Variants in C8orf34 observed in about 807,000 individuals in gnomAD.
The protein encoded by C8orf34 is uncharacterized protein C8orf34.
A neutral mutation model predicts 68.3 loss-of-function variants in C8orf34; 65 were observed. The observed-to-expected ratio is 0.95, with a 90% CI of 0.78 to 1.17. C8orf34 has a LOEUF of 1.17. Ranked by LOEUF, C8orf34 falls within the 50% of genes most tolerant of loss-of-function variation. C8orf34 has a pLI of 0.00. For missense variants in C8orf34, 664 were observed against 655.4 expected, an observed-to-expected ratio of 1.01 and a Z score of -0.14; for synonymous variants, 244 against 241.2, an observed-to-expected ratio of 1.01 and a Z score of -0.11.
chr8:68,621,111 A>G (rs541618287), intron 7 of C8orf34, among the ~76,000 whole-genome samples: 3 of 152,302 alleles, frequency 2.0e-5, no homozygotes, highest in South Asian at 2.1e-4. Context: ...TAGGAGATGT[A>G]CCCCAGAAGA....
At chr8:68,402,130 A>G (rs183402954) in intron 1 of C8orf34, among the ~76,000 whole-genome samples, 3 of 152,072 alleles carry the variant, frequency 2.0e-5, no homozygotes, top group East Asian at 1.9e-4. Context: ...TGTTGCTTCA[A>G]TCCTGGGATG....
chr8:68,675,336 C>A (rs934474069), intron 8 of C8orf34, among the ~76,000 whole-genome samples: 3 of 151,848 alleles, frequency 2.0e-5, no homozygotes, highest in African/African-American at 7.3e-5. Flanking sequence ...AAAAAGTGAA[C>A]TGATCAAAAA....
intron 12 of C8orf34, among the ~76,000 whole-genome samples, chr8:68,788,938 G>T (rs975717461): frequency 1.3e-5 from 2 of 152,082 alleles, no homozygotes; most frequent in African/African-American, 4.8e-5. Context: ...GAGTATTTTG[G>T]AAGTCCCTTA....
chr8:68,641,345 T>G (rs1268019535), intron 8 of C8orf34, among the ~76,000 whole-genome samples: 1 of 152,170 alleles, frequency 6.6e-6, no homozygotes, highest in Non-Finnish European at 1.5e-5. Context: ...GCTTTACCCC[T>G]TTGGAAGTTT....
intron 4 of C8orf34, among the ~76,000 whole-genome samples, chr8:68,484,179 G>A (rs1055300175): frequency 6.6e-6 from 1 of 152,188 alleles, no homozygotes; most frequent in Non-Finnish European, 1.5e-5. Context: ...TGGGGAAGGT[G>A]CTACACATTT....
At chr8:68,748,506 C>G (rs11783452) in intron 10 of C8orf34, among the ~76,000 whole-genome samples, 1 of 151,838 alleles carries the variant, frequency 6.6e-6, no homozygotes. Context: ...GGGCTAATAT[C>G]CAGAATCTAC....
chr8:68,790,106 G>C (rs756350801), intron 12 of C8orf34, among the ~76,000 whole-genome samples: 5 of 152,212 alleles, frequency 3.3e-5, no homozygotes, highest in Non-Finnish European at 5.9e-5. Context: ...ATGCAAATAA[G>C]AGTAGCTTCC....
intron 2 of C8orf34, among the ~76,000 whole-genome samples, chr8:68,443,326 T>C (rs1000900910): frequency 1.3e-5 from 2 of 152,188 alleles, no homozygotes; most frequent in Non-Finnish European, 2.9e-5. Flanking sequence ...GGGGTTATAA[T>C]TGAATGATGG....
chr8:68,602,517 C>T (rs577778680), intron 7 of C8orf34, among the ~76,000 whole-genome samples: 11 of 152,128 alleles, frequency 7.2e-5, no homozygotes, highest in African/African-American at 2.7e-4. Context: ...TACTCACCAT[C>T]ACGAGAATAG....
chr8:68,392,600 A>G (rs1444949800), intron 1 of C8orf34, among the ~76,000 whole-genome samples: 1 of 152,034 alleles, frequency 6.6e-6, no homozygotes, highest in African/African-American at 2.4e-5. Flanking sequence ...ATTATAAAAT[A>G]ATTTTGCTTT....
At chr8:68,500,543 T>G (rs1385881068) in intron 5 of C8orf34, among the ~76,000 whole-genome samples, 2 of 152,120 alleles carry the variant, frequency 1.3e-5, no homozygotes, top group Non-Finnish European at 1.5e-5. Context: ...GCTAAAGTGT[T>G]TAGGGACAAA....
chr8:68,643,723 C>T (rs1445762509), intron 8 of C8orf34, among the ~76,000 whole-genome samples: 5 of 152,180 alleles, frequency 3.3e-5, no homozygotes, highest in African/African-American at 1.2e-4. Context: ...ATATCCCTAC[C>T]TCCTTATACT....
chr8:68,581,616 CT>C (rs1203995119), intron 7 of C8orf34, among the ~76,000 whole-genome samples: 1 of 152,076 alleles, frequency 6.6e-6, no homozygotes, highest in Non-Finnish European at 1.5e-5. Context: ...TTTATTTTTG[CT>C]CATACTGCTG....
intron 3 of C8orf34, among the ~76,000 whole-genome samples, chr8:68,460,244 G>A (rs1000338000): frequency 3.3e-5 from 5 of 152,138 alleles, no homozygotes; most frequent in East Asian, 1.9e-4. Flanking sequence ...GGGGAGGGGC[G>A]CCCGCCATTG....
intron 7 of C8orf34, among the ~76,000 whole-genome samples, chr8:68,592,596 CTTTTTTTTTTTTT>C (rs869214252): frequency 3.8e-5 from 1 of 26,526 alleles, no homozygotes; most frequent in East Asian, 7.4e-4. Flanking sequence ...TTTATCTCTT[CTTTTTTTTTTTTT>C]TTTTTTTTTT....
intron 8 of C8orf34, among the ~76,000 whole-genome samples, chr8:68,685,982 G>A (rs1031151227): frequency 2.6e-4 from 40 of 151,850 alleles, no homozygotes; most frequent in African/African-American, 8.9e-4. Context: ...AAATGCAAAA[G>A]ATCATTCGAG....
At chr8:68,535,758 T>C in intron 7 of C8orf34, 1 of 953,554 alleles carries the variant, frequency 1.0e-6, no homozygotes, top group Non-Finnish European at 1.2e-6. Flanking sequence ...ATGCTCCTTA[T>C]AAATTCACAT....
intron 7 of C8orf34, among the ~76,000 whole-genome samples, chr8:68,593,380 C>A (rs1817453003): frequency 1.3e-5 from 2 of 151,976 alleles, no homozygotes. Flanking sequence ...AAAATTTTTT[C>A]TCCTATTTTT....
intron 8 of C8orf34, among the ~76,000 whole-genome samples, chr8:68,673,974 G>A (rs909389693): frequency 2.0e-5 from 3 of 152,172 alleles, no homozygotes; most frequent in African/African-American, 7.2e-5. Flanking sequence ...TAAGGGAAGA[G>A]AACAAGAGTC....
Sources: gnomAD v4.1 joint callset for allele counts (sites outside exome capture counted in the v4.1 genomes callset) on GRCh38, gnomAD v4.1.1 for gene constraint, MANE v1.5 for transcripts, NCBI Gene and HGNC (gene_info 2026-07-23, HGNC 2026-07-21) for gene names.